FMO1: variants seen among roughly 807,000 people sequenced by gnomAD.
The protein encoded by FMO1 is flavin containing dimethylaniline monoxygenase 1, also known as flavin-containing monooxygenase 1.
In FMO1, 36 loss-of-function variants were observed where a neutral mutation model predicts 45.4. The ratio of observed to expected loss-of-function variants is 0.79; its 90% CI spans 0.61 to 1.05. The LOEUF (loss-of-function observed/expected upper bound fraction) is 1.05. Among genes scored for constraint, FMO1 ranks in the 50% least tolerant of loss-of-function variants. The pLI is 0.00. For synonymous variants in FMO1, 228 were observed against 227.2 expected (o/e 1.00, Z -0.03); for missense variants, 615 against 640.3 (o/e 0.96, Z 0.43).
rs760182875 is a variant in FMO1, at chr1:171,280,983, C to A, written c.825C>A (p.Asp275Glu). The change falls in exon 6 of 9, where the codon GAC becomes GAA. Residue 275 changes from aspartate to glutamate, a missense_variant and splice_region_variant. By Grantham distance (45) the Asp-to-Glu change is conservative. Transcript: ENST00000617670. ...CAAATTACGGCTTAATACCAGAAGA[C>A]AGGTAAATATAATGTGACTGCCAAG... ...NHANYGLIPE[D>E]RTQLKEFVLN... The A allele has an allele frequency of 2.7e-5, 43 of 1,613,010 alleles. No homozygotes were observed. The highest frequency in any genetic ancestry group is 2.9e-5 in the Non-Finnish European group (34 of 1,179,324).
intron 5 of FMO1, among the ~76,000 whole-genome samples, chr1:171,279,387 A>G (rs1661261449): frequency 6.6e-6 from 1 of 152,208 alleles, no homozygotes; most frequent in African/African-American, 2.4e-5. Flanking sequence ...TTATCCAGTC[A>G]TCAAAACAAG....
intron 2 of FMO1, among the ~76,000 whole-genome samples, chr1:171,260,585 G>A (rs1168344614): frequency 6.6e-6 from 1 of 152,142 alleles, no homozygotes; most frequent in African/African-American, 2.4e-5. Flanking sequence ...TATGGCACCT[G>A]CAAGGGTAAA....
chr1:171,276,977 T>C (rs1251852279), intron 4 of FMO1, among the ~76,000 whole-genome samples: 2 of 152,120 alleles, frequency 1.3e-5, no homozygotes, highest in African/African-American at 4.8e-5. Context: ...TACCCACAAA[T>C]TGAAGAGCTT....
At chr1:171,268,348 G>C (rs531860678) in intron 3 of FMO1, among the ~76,000 whole-genome samples, 1 of 152,282 alleles carries the variant, frequency 6.6e-6, no homozygotes, top group African/African-American at 2.4e-5. Context: ...GCCTCCCAAA[G>C]TGCTGGGATT....
At chr1:171,275,551 G>T in intron 4 of FMO1, 43 bp downstream of exon 4, 1 of 1,457,186 alleles carries the variant, frequency 6.9e-7, no homozygotes, top group Non-Finnish European at 9.5e-7. Context: ...TCTCGTGGGA[G>T]CCATTCTGAT....
At chr1:171,266,978 AC>A (rs1236159758) in intron 2 of FMO1, among the ~76,000 whole-genome samples, 2 of 152,182 alleles carry the variant, frequency 1.3e-5, no homozygotes, top group Non-Finnish European at 1.5e-5. Flanking sequence ...CAATCTGGAA[AC>A]CTTTGACTGC....
chr1:171,283,295 A>AAAAAG, intron 8 of FMO1, 79 bp downstream of exon 8: 1 of 566,158 alleles, frequency 1.8e-6, no homozygotes, highest in Non-Finnish European at 2.8e-6. Flanking sequence ...AAAAAAAAAA[A>AAAAAG]AAGGAAATGA....
At chr1:171,272,365 A>G (rs1438570468) in intron 3 of FMO1, among the ~76,000 whole-genome samples, 2 of 152,234 alleles carry the variant, frequency 1.3e-5, no homozygotes, top group African/African-American at 4.8e-5. Context: ...GGCAGTGCAG[A>G]AGGGAAATGT....
Position 171,285,638 on chromosome 1 carries a change from T to TGA in FMO1, c.*94_*95insGA. The TGA allele has an allele frequency of 4.1e-6, 3 of 737,930 alleles. No individual in the cohort carries two copies. The highest frequency in any genetic ancestry group is 6.1e-6 in the Non-Finnish European group (3 of 494,516). 45.7% of individuals were successfully genotyped at this position (737,930 alleles called of 1,614,324 possible). ...ATATTGCCTTCACAGTTATAAACTG[T>TGA]ATTCAAATAGTAAAGGCCACCCTCT... On this transcript the variant is annotated 3_prime_UTR_variant, in exon 9 of 9. Transcript: ENST00000617670.
At chr1:171,271,537 A>T in intron 3 of FMO1, 1 of 834,932 alleles carries the variant, frequency 1.2e-6, no homozygotes, top group Non-Finnish European at 2.1e-6. Flanking sequence ...TGCACAAAAA[A>T]TGCATATGAT....
intron 3 of FMO1, among the ~76,000 whole-genome samples, chr1:171,269,711 CTAA>C (rs138516552): frequency 0.01 from 1,536 of 152,194 alleles, 26 homozygotes; most frequent in African/African-American, 0.033. Flanking sequence ...ATAATCATGA[CTAA>C]TGAGTGAGTT....
At chr1:171,259,615 C>T (rs1374726732) in intron 2 of FMO1, among the ~76,000 whole-genome samples, 1 of 152,192 alleles carries the variant, frequency 6.6e-6, no homozygotes, top group Non-Finnish European at 1.5e-5. Context: ...ACTAAATTAG[C>T]CGAGTTATTT....
intron 8 of FMO1, among the ~76,000 whole-genome samples, chr1:171,284,092 G>A (rs1661513668): frequency 6.7e-6 from 1 of 149,624 alleles, no homozygotes; most frequent in Non-Finnish European, 1.5e-5. Flanking sequence ...TTGTTTTGTG[G>A]TTTGATAAAA....
chr1:171,279,676 A>T (rs968001328), intron 5 of FMO1, among the ~76,000 whole-genome samples: 3 of 152,124 alleles, frequency 2.0e-5, no homozygotes, highest in Non-Finnish European at 2.9e-5. Context: ...ACTACCAACA[A>T]ACAAATCCTC....
chr1:171,268,687 C>T (rs1660722133), intron 3 of FMO1, among the ~76,000 whole-genome samples: 1 of 152,090 alleles, frequency 6.6e-6, no homozygotes, highest in African/African-American at 2.4e-5. Flanking sequence ...TTTCTCCCTC[C>T]CCTGTCAGAG....
intron 2 of FMO1, among the ~76,000 whole-genome samples, chr1:171,264,968 T>C (rs1337851384): frequency 6.6e-6 from 1 of 152,040 alleles, no homozygotes; most frequent in African/African-American, 2.4e-5. Flanking sequence ...AGCATCCACA[T>C]GTTTGTTAGA....
chr1:171,273,466 G>C (rs1251335455), intron 3 of FMO1, among the ~76,000 whole-genome samples: 1 of 152,034 alleles, frequency 6.6e-6, no homozygotes, highest in African/African-American at 2.4e-5. Flanking sequence ...CAAAATTTCT[G>C]AATTTGAAGC....
chr1:171,282,160 T>G lies in FMO1; in HGVS notation c.1010T>G (p.Phe337Cys). The G allele has an allele frequency of 6.2e-7, 1 of 1,614,054 alleles. No individual in the cohort carries two copies. The highest frequency in any genetic ancestry group is 8.5e-7 in the Non-Finnish European group (1 of 1,179,910). Reference protein sequence around the residue: ...FATGYTFAFPFLDESVVKVED... With the variant: ...FATGYTFAFPCLDESVVKVED... ...ACTGGATACACATTTGCTTTCCCCT[T>G]CCTTGATGAGTCTGTAGTGAAAGTT... Residue 337 changes from phenylalanine (F) to cysteine (C), a missense_variant, in exon 7 of 9, where the codon TTC becomes TGC. Physicochemically the swap from Phe to Cys is radical, Grantham distance 205. Coordinates refer to ENST00000617670, the MANE Select transcript of FMO1 (RefSeq NM_001282693.2).
chr1:171,254,483 C>T (rs1660059143), intron 1 of FMO1, among the ~76,000 whole-genome samples: 1 of 152,118 alleles, frequency 6.6e-6, no homozygotes, highest in Admixed American at 6.5e-5. Context: ...TACACAACAG[C>T]TATTATAGAC....
Sources: allele counts gnomAD v4.1 joint callset (sites outside exome capture counted in the v4.1 genomes callset), GRCh38; gene constraint gnomAD v4.1.1; transcripts MANE v1.5; gene names NCBI Gene and HGNC (gene_info 2026-07-23, HGNC 2026-07-21).